Variants in ROR2 observed in about 807,000 individuals in gnomAD.
The protein encoded by ROR2 is tyrosine-protein kinase transmembrane receptor ROR2.
Under a neutral mutation model 74.9 loss-of-function variants are expected in ROR2, and 33 were observed. The ratio of observed to expected loss-of-function variants is 0.44; its 90% CI spans 0.33 to 0.59. The LOEUF is 0.59. ROR2 is among the 20% of genes least tolerant of loss of function. ROR2 has a pLI of 0.02. For missense variants in ROR2, 1,216 were observed against 1,313.8 expected, an observed-to-expected ratio of 0.93 and a Z score of 1.15; for synonymous variants, 586 against 558.7, an observed-to-expected ratio of 1.05 and a Z score of -0.69.
rs140064974 is a variant in ROR2 at position 91,842,398 on chromosome 9, C to T, written c.98-66580G>A. Among the ~76,000 whole-genome samples the T allele has an allele frequency of 7.2e-4, 109 of 152,290 alleles. 1 individual carries two copies. The East Asian group carries it at 0.018, about 25-fold the overall frequency. ...TCCTCACAATGACCCCATCATTATC[C>T]CGATTATCAGCTGAGGAAACTGAGG... On this transcript the variant is annotated intron_variant, in intron 1 of 8. Transcript: ENST00000375708.
intron 1 of ROR2, among the ~76,000 whole-genome samples, chr9:91,836,710 G>A (rs757493923): frequency 3.3e-5 from 5 of 152,000 alleles, no homozygotes; most frequent in Non-Finnish European, 7.4e-5. Context: ...GTGGCAGGAG[G>A]AGCTGCGGCT....
chr9:91,903,983 A>T (rs1830738628), intron 1 of ROR2, among the ~76,000 whole-genome samples: 1 of 152,066 alleles, frequency 6.6e-6, no homozygotes, highest in Non-Finnish European at 1.5e-5. Context: ...CCATCCCACA[A>T]GGTAGGAATC....
At position 91,852,646 on chromosome 9, in the gene ROR2, CA is replaced by C. The variant is rs1320363186; in HGVS notation, c.98-76829del. 6.2e-4 allele frequency among the ~76,000 whole-genome samples: 94 copies of C among 151,022 alleles called. No homozygotes were observed. In the South Asian group the frequency reaches 0.013, roughly 20 times the overall value. ...ACAAACACACACACACACACACACA[CA>C]CACCCACACACACAATGTAAGTCCA... On this transcript the variant is annotated intron_variant, in intron 1 of 8. Coordinates refer to ENST00000375708, the MANE Select transcript of ROR2 (RefSeq NM_004560.4).
intron 1 of ROR2, among the ~76,000 whole-genome samples, chr9:91,805,829 C>T (rs1312128005): frequency 6.6e-6 from 1 of 152,208 alleles, no homozygotes; most frequent in Non-Finnish European, 1.5e-5. Context: ...CATTCCTTCA[C>T]CAACACTGCC....
intron 1 of ROR2, among the ~76,000 whole-genome samples, chr9:91,836,539 C>CAAAAAAAAAAAAAAAAAAAAAA (rs753563302): frequency 6.0e-4 from 61 of 102,472 alleles, no homozygotes; most frequent in African/African-American, 1.7e-3. Context: ...GATTCCATCT[C>CAAAAAAAAAAAAAAAAAAAAAA]AAAAAAAAAA....
chr9:91,780,027 TG>T (rs1826557793), intron 1 of ROR2, among the ~76,000 whole-genome samples: 1 of 152,228 alleles, frequency 6.6e-6, no homozygotes, highest in Admixed American at 6.5e-5. Flanking sequence ...ATAGGGATGA[TG>T]CCCGGTTGCT....
At chr9:91,728,417 G>C (rs1279776885) in intron 7 of ROR2, among the ~76,000 whole-genome samples, 2 of 150,886 alleles carry the variant, frequency 1.3e-5, no homozygotes. Flanking sequence ...ATTTATTTTT[G>C]AGACAGAGTG....
chr9:91,804,584 C>T (rs935626314), intron 1 of ROR2, among the ~76,000 whole-genome samples: 2 of 152,206 alleles, frequency 1.3e-5, no homozygotes, highest in African/African-American at 4.8e-5. Flanking sequence ...GGTGGCAGAG[C>T]GTCATGCGGC....
At chr9:91,907,743 C>G (rs1830857264) in intron 1 of ROR2, among the ~76,000 whole-genome samples, 1 of 152,282 alleles carries the variant, frequency 6.6e-6, no homozygotes, top group African/African-American at 2.4e-5. Flanking sequence ...TATCAGGATA[C>G]CTCATACTTA....
intron 1 of ROR2, among the ~76,000 whole-genome samples, chr9:91,828,069 T>A (rs564885807): frequency 2.2e-4 from 33 of 152,378 alleles, no homozygotes; most frequent in Non-Finnish European, 3.7e-4. Context: ...CCCTGAAAAG[T>A]CCCACTGGGG....
At chr9:91,941,681 C>A (rs1469441308) in intron 1 of ROR2, among the ~76,000 whole-genome samples, 2 of 152,164 alleles carry the variant, frequency 1.3e-5, no homozygotes, top group Non-Finnish European at 2.9e-5. Flanking sequence ...ACTGCCTTGT[C>A]CCTGTGGTGT....
At chr9:91,773,516 G>A (rs1043543964) in intron 2 of ROR2, among the ~76,000 whole-genome samples, 1 of 152,212 alleles carries the variant, frequency 6.6e-6, no homozygotes. Context: ...CCGTGATACT[G>A]GAACGTTTTA....
chr9:91,858,586 T>C (rs897681970), intron 1 of ROR2, among the ~76,000 whole-genome samples: 1 of 152,142 alleles, frequency 6.6e-6, no homozygotes, highest in Admixed American at 6.5e-5. Flanking sequence ...TGGGCTACAA[T>C]TTGAGAACTG....
chr9:91,810,231 CGGTACTG>C (rs1025573652), intron 1 of ROR2, among the ~76,000 whole-genome samples: 1 of 152,138 alleles, frequency 6.6e-6, no homozygotes, highest in Non-Finnish European at 1.5e-5. Flanking sequence ...GGCTTGGCAT[CGGTACTG>C]GGCTGGCGTC....
At chr9:91,735,606 CTTTTTTTTTTTTTTTTTTTTTTT>C (rs35146225) in intron 5 of ROR2, among the ~76,000 whole-genome samples, 3 of 79,000 alleles carry the variant, frequency 3.8e-5, no homozygotes, top group Admixed American at 1.8e-4. Context: ...AGGGCTCTAA[CTTTTTTTTTTTTTTTTTTTTTTT>C]TTTTTTTTTT....
rs79604822 is a variant in ROR2, at chr9:91,856,395, T to C, written c.98-80577A>G. ...AGTTAAATTGCATGTCTGGGCTAAA[T>C]TGTGTTCCTCCAAAATTCACAGGCT... is the stretch of plus-strand genomic sequence containing the variant. On this transcript the variant is annotated intron_variant, in intron 1 of 8. Transcript: ENST00000375708. Among the ~76,000 whole-genome samples, 1,421 of 152,318 alleles carry C rather than the reference T, an allele frequency of 9.3e-3. 26 individuals are homozygous for C. Among genetic ancestry groups the C allele is most frequent in the African/African-American group, 0.032 (1,327 of 41,560 alleles).
chr9:91,766,203 G>C (rs1243747617), intron 2 of ROR2, among the ~76,000 whole-genome samples: 1 of 152,108 alleles, frequency 6.6e-6, no homozygotes, highest in East Asian at 1.9e-4. Flanking sequence ...TTTCACTGTT[G>C]GTGAGCTCAT....
At chr9:91,727,868 T>C (rs1478843837) in intron 7 of ROR2, among the ~76,000 whole-genome samples, 1 of 152,094 alleles carries the variant, frequency 6.6e-6, no homozygotes. Flanking sequence ...AAGCACCTTG[T>C]CCCAAAACCC....
chr9:91,785,531 C>T (rs984887718), intron 1 of ROR2, among the ~76,000 whole-genome samples: 1 of 152,232 alleles, frequency 6.6e-6, no homozygotes, highest in Non-Finnish European at 1.5e-5. Context: ...ACTAGGCACT[C>T]GAAAAATATC....
Sources: gnomAD v4.1 joint callset for allele counts (sites outside exome capture counted in the v4.1 genomes callset) on GRCh38, gnomAD v4.1.1 for gene constraint, MANE v1.5 for transcripts, NCBI Gene and HGNC (gene_info 2026-07-23, HGNC 2026-07-21) for gene names.